Variants in YPEL5 observed in about 807,000 individuals in gnomAD.
The protein encoded by YPEL5 is protein yippee-like 5.
In YPEL5, 1 loss-of-function variant was observed where a neutral mutation model predicts 10.5. The observed-to-expected ratio is 0.10, with a 90% CI of 0.03 to 0.45. The LOEUF (loss-of-function observed/expected upper bound fraction) is 0.45, where lower values mean the gene tolerates loss of function less well. YPEL5 is among the 20% of genes least tolerant of loss of function. The probability of loss-of-function intolerance (pLI) is 0.97; values close to 1 mark genes in which losing one functional copy is unlikely to be tolerated. For synonymous variants in YPEL5, 61 were observed against 56.6 expected, an observed-to-expected ratio of 1.08 and a Z score of -0.35; for missense variants, 68 against 159.3, an observed-to-expected ratio of 0.43 and a Z score of 3.09.
chr2:30,156,676 A>C lies in YPEL5; in HGVS notation c.25A>C (p.Ile9Leu). Residue 9 changes from isoleucine to leucine, a missense_variant, in exon 2 of 3, where the codon ATC (isoleucine) becomes CTC (leucine). Transcript: ENST00000261353. MGRIFLDH[I>L]GGTRLFSCAN... ...AATGGGCAGAATTTTCCTTGATCAT[A>C]TCGGTGGTACCCGTCTGTTTTCTTG... 2.5e-6 allele frequency: 4 copies of C among 1,614,176 alleles called. No individual in the cohort carries two copies. The highest frequency in any genetic ancestry group is 3.4e-6 in the Non-Finnish European group (4 of 1,180,024).
intron 1 of YPEL5, among the ~76,000 whole-genome samples, chr2:30,152,207 CAG>C (rs1290560719): frequency 6.6e-6 from 1 of 151,600 alleles, no homozygotes; most frequent in Non-Finnish European, 1.5e-5. Flanking sequence ...TCTATTCTGT[CAG>C]AAAAAAGTTT....
intron 1 of YPEL5, among the ~76,000 whole-genome samples, chr2:30,150,032 A>G (rs949700360): frequency 3.9e-5 from 6 of 152,180 alleles, no homozygotes; most frequent in African/African-American, 1.4e-4. Flanking sequence ...CCAGGGTTGA[A>G]ACCAAACTGG....
At chr2:30,155,400 T>G (rs927486064) in intron 1 of YPEL5, among the ~76,000 whole-genome samples, 17 of 152,192 alleles carry the variant, frequency 1.1e-4, no homozygotes, top group Admixed American at 1.1e-3. Context: ...TTTAAATTTG[T>G]AATGGAATTC....
At chr2:30,150,711 C>T (rs1253669782) in intron 1 of YPEL5, among the ~76,000 whole-genome samples, 1 of 152,196 alleles carries the variant, frequency 6.6e-6, no homozygotes, top group African/African-American at 2.4e-5. Context: ...AACCAAGTTT[C>T]CATTTTTTCT....
intron 1 of YPEL5, chr2:30,147,921 A>G (rs1048984938): frequency 6.6e-6 from 1 of 152,638 alleles, no homozygotes; most frequent in Non-Finnish European, 1.5e-5. Context: ...GGCCTCCATC[A>G]GCTGGGCCGG....
intron 2 of YPEL5, 71 bp downstream of exon 2, chr2:30,156,863 C>A: frequency 1.3e-6 from 2 of 1,555,840 alleles, no homozygotes; most frequent in Non-Finnish European, 1.8e-6. Flanking sequence ...AGAATACCCC[C>A]TCAGAGCTTA....
rs57207999 is a variant in YPEL5, at chr2:30,152,140, A to G, written c.-24-4488A>G. 8.6e-3 allele frequency among the ~76,000 whole-genome samples: 1,310 copies of G among 152,296 alleles called. 23 individuals carry two copies. Among genetic ancestry groups the G allele is most frequent in the African/African-American group, 0.03 (1,257 of 41,558 alleles). ...TTGTAGTGAGTAAACTTTGTCATGT[A>G]GAGTATTCCTTAATAAAGCGGTTTT... On this transcript the variant is annotated intron_variant, in intron 1 of 2. Transcript: ENST00000261353.
Position 30,159,797 on chromosome 2 carries a change from G to A in YPEL5, c.*954G>A, listed in dbSNP as rs1203705541. On this transcript the variant is annotated 3_prime_UTR_variant, in exon 3 of 3. Transcript: ENST00000261353. ...TAATCTGCATCTGTTTTAGAAAAGG[G>A]GGAAATGAAGCAACTTGTCTAAAAA... is the stretch of plus-strand genomic sequence containing the variant. 6.6e-6 allele frequency: 1 copy of A among 152,174 alleles called. No individual in the cohort carries two copies. Among genetic ancestry groups the A allele is most frequent in the East Asian group, 1.9e-4 (1 of 5,202 alleles). 9.4% of individuals were successfully genotyped at this position (152,174 alleles called of 1,614,324 possible).
chr2:30,156,685 A>G lies in YPEL5; in HGVS notation c.34A>G (p.Thr12Ala). 1 of 1,614,076 alleles carries G rather than the reference A, an allele frequency of 6.2e-7. No individual in the cohort carries two copies. Among genetic ancestry groups the G allele is most frequent in the African/African-American group, 1.3e-5 (1 of 74,998 alleles). ...GRIFLDHIGGTRLFSCANCDT... is the reference protein window; with the variant it reads ...GRIFLDHIGGARLFSCANCDT... ...AATTTTCCTTGATCATATCGGTGGT[A>G]CCCGTCTGTTTTCTTGTGCAAACTG... The change falls in exon 2 of 3, where the codon ACC (threonine) becomes GCC (alanine). Residue 12 changes from threonine to alanine, a missense_variant. Physicochemically the swap from Thr to Ala is moderately conservative, Grantham distance 58. Transcript: ENST00000261353.
intron 1 of YPEL5, among the ~76,000 whole-genome samples, chr2:30,148,972 C>T (rs1195203541): frequency 6.6e-6 from 1 of 152,120 alleles, no homozygotes; most frequent in Admixed American, 6.5e-5. Context: ...CAGTGTAATG[C>T]AGGAACTGAA....
chr2:30,149,857 T>G (rs781705743), intron 1 of YPEL5, among the ~76,000 whole-genome samples: 9 of 152,264 alleles, frequency 5.9e-5, no homozygotes, highest in African/African-American at 1.4e-4. Flanking sequence ...GAAGTGTGTA[T>G]TCTATGGAAA....
In YPEL5 at chr2:30,151,295, T is replaced by C. The variant is rs541013906; in HGVS notation, c.-25+4233T>C. On this transcript the variant is annotated intron_variant, in intron 1 of 2. Coordinates refer to ENST00000261353, the MANE Select transcript of YPEL5 (RefSeq NM_016061.3). ...CTCTGAAGAGAATCATCTTTTTTTT[T>C]CCCCTCTTACAGATTCTGTAATTAA... Among the ~76,000 whole-genome samples, 429 of 152,184 alleles carry C rather than the reference T, an allele frequency of 2.8e-3. 2 individuals carry two copies. Among genetic ancestry groups the C allele is most frequent in the African/African-American group, 9.7e-3 (404 of 41,498 alleles).
rs141750939 is a variant in YPEL5, at chr2:30,149,815, C to T, written c.-25+2753C>T. ...CCATCTTCTGATGCAATGGAAAACC[C>T]ACTGTGGTCTGTCCAACACTGGGGA... On this transcript the variant is annotated intron_variant, in intron 1 of 2. Transcript: ENST00000261353. Among the ~76,000 whole-genome samples the T allele has an allele frequency of 2.4e-3, 364 of 152,362 alleles. 1 individual carries two copies. Among genetic ancestry groups the T allele is most frequent in the Non-Finnish European group, 4.0e-3 (273 of 68,038 alleles).
At chr2:30,151,334 G>T (rs1388625946) in intron 1 of YPEL5, among the ~76,000 whole-genome samples, 1 of 151,244 alleles carries the variant, frequency 6.6e-6, no homozygotes, top group African/African-American at 2.4e-5. Flanking sequence ...AAAAAATTCT[G>T]TAACAAGGCA....
chr2:30,156,838 T>C (rs751031996), intron 2 of YPEL5, 46 bp downstream of exon 2: 1 of 1,605,942 alleles, frequency 6.2e-7, no homozygotes, highest in South Asian at 1.1e-5. Context: ...ATTGGCTGTA[T>C]TTGACAGCAA....
At chr2:30,154,309 C>T (rs1675942087) in intron 1 of YPEL5, among the ~76,000 whole-genome samples, 1 of 152,192 alleles carries the variant, frequency 6.6e-6, no homozygotes, top group African/African-American at 2.4e-5. Flanking sequence ...CTTAACTGCT[C>T]ACAGGTTTGT....
chr2:30,151,366 T>C (rs1263522437), intron 1 of YPEL5, among the ~76,000 whole-genome samples: 2 of 152,104 alleles, frequency 1.3e-5, no homozygotes, highest in Non-Finnish European at 2.9e-5. Context: ...ATGTTATTAA[T>C]ATTTCACCAG....
At chr2:30,156,596 T>C in intron 1 of YPEL5, 32 bp from the exon 2 acceptor site, 1 of 1,600,754 alleles carries the variant, frequency 6.2e-7, no homozygotes, top group Non-Finnish European at 8.5e-7. Flanking sequence ...ATTATTATAA[T>C]GCATTTGTTA....
rs1676195651 is a variant in YPEL5, at chr2:30,159,591, AAG to A, written c.*751_*752del. On this transcript the variant is annotated 3_prime_UTR_variant, in exon 3 of 3. Transcript: ENST00000261353. ...TGTTGCTTTTAAAAACACCTTATAA[AAG>A]AGGAGAGTATTTGATAAGCAATTTT... 1 of 152,632 alleles carries A rather than the reference AAG, an allele frequency of 6.6e-6. No homozygotes were observed. Among genetic ancestry groups the A allele is most frequent in the South Asian group, 2.1e-4 (1 of 4,834 alleles). 9.5% of individuals were successfully genotyped at this position (152,632 alleles called of 1,614,324 possible).
Sources: gnomAD v4.1 joint callset for allele counts (sites outside exome capture counted in the v4.1 genomes callset) on GRCh38, gnomAD v4.1.1 for gene constraint, MANE v1.5 for transcripts, NCBI Gene and HGNC (gene_info 2026-07-23, HGNC 2026-07-21) for gene names.